The following PTPRM variants were observed in gnomAD, a reference collection of about 807,000 sequenced individuals.
PTPRM encodes the protein protein tyrosine phosphatase receptor type M, also known as receptor-type tyrosine-protein phosphatase mu.
PTPRM carries 47 observed loss-of-function variants against 186.7 expected under a neutral mutation model. That is an observed-to-expected ratio of 0.25 (90% CI 0.20 to 0.32). The LOEUF is 0.32. Ranked by LOEUF, PTPRM falls within the 10% of genes least tolerant of loss-of-function variation. PTPRM has a pLI of 1.00. For synonymous variants in PTPRM, 668 were observed against 674.9 expected (o/e 0.99, Z 0.16); for missense variants, 1,494 against 1,865.0 (o/e 0.80, Z 3.66).
At chr18:8,219,788 T>C (rs1257493977) in intron 14 of PTPRM, among the ~76,000 whole-genome samples, 1 of 152,178 alleles carries the variant, frequency 6.6e-6, no homozygotes, top group Non-Finnish European at 1.5e-5. Flanking sequence ...AAGATAAGCA[T>C]GCTATGTCAG....
chr18:7,870,250 AT>A (rs2146172156), intron 2 of PTPRM, among the ~76,000 whole-genome samples: 1 of 152,290 alleles, frequency 6.6e-6, no homozygotes, highest in Non-Finnish European at 1.5e-5. Context: ...TTTTCTGCAG[AT>A]TTGCTAAAGA....
intron 8 of PTPRM, among the ~76,000 whole-genome samples, chr18:8,072,332 A>C (rs576381043): frequency 7.2e-4 from 110 of 152,212 alleles, no homozygotes; most frequent in South Asian, 1.2e-3. Flanking sequence ...AACTGTCATG[A>C]GCTAGGAATT....
chr18:7,877,252 T>G (rs1219715686), intron 2 of PTPRM, among the ~76,000 whole-genome samples: 2 of 152,100 alleles, frequency 1.3e-5, no homozygotes, highest in African/African-American at 2.4e-5. Context: ...CACTAGGAGA[T>G]TTTTCACTCC....
intron 25 of PTPRM, 109 bp downstream of exon 25, chr18:8,376,309 A>G (rs1317992724): frequency 6.5e-7 from 1 of 1,536,956 alleles, no homozygotes; most frequent in East Asian, 2.3e-5. Context: ...TGATGATTGC[A>G]CAACATTTTG....
At chr18:8,183,492 C>T (rs193277170) in intron 14 of PTPRM, among the ~76,000 whole-genome samples, 12 of 152,186 alleles carry the variant, frequency 7.9e-5, no homozygotes, top group Admixed American at 4.6e-4. Flanking sequence ...ATTTTGCTTT[C>T]AGCAGAGGTT....
chr18:7,811,328 T>A (rs941609147), intron 2 of PTPRM, among the ~76,000 whole-genome samples: 1 of 152,150 alleles, frequency 6.6e-6, no homozygotes, highest in Admixed American at 6.5e-5. Flanking sequence ...GGGCTTTGCA[T>A]AGGCTTTGCA....
intron 9 of PTPRM, among the ~76,000 whole-genome samples, chr18:8,080,449 A>G (rs535018818): frequency 6.6e-6 from 1 of 152,300 alleles, no homozygotes; most frequent in Non-Finnish European, 1.5e-5. Flanking sequence ...TAACTACCCC[A>G]TCAGCAACCA....
chr18:8,272,945 C>T (rs1296999365), intron 19 of PTPRM, among the ~76,000 whole-genome samples: 1 of 152,102 alleles, frequency 6.6e-6, no homozygotes, highest in East Asian at 1.9e-4. Context: ...AACATTTTAT[C>T]ATTAAGCACT....
chr18:7,829,588 A>G (rs2045658411), intron 2 of PTPRM, among the ~76,000 whole-genome samples: 1 of 152,228 alleles, frequency 6.6e-6, no homozygotes, highest in Non-Finnish European at 1.5e-5. Context: ...GCTCTTAAAG[A>G]TATCTCAAGT....
chr18:8,109,350 G>T (rs953787432), intron 11 of PTPRM, among the ~76,000 whole-genome samples: 1 of 152,190 alleles, frequency 6.6e-6, no homozygotes. Flanking sequence ...AGAGCAAATA[G>T]ATTTGAGGTC....
Position 7,955,209 on chromosome 18 carries a change from G to A in PTPRM, c.927G>A (p.Gly309=). ...WIQLNANSIN[G]DGPIVAREVE... ...AGCTCAACGCCAACTCCATCAATGGGGATGGGCCCATTGTGGCCCGAGAGG... is the reference window on the plus strand; with the variant it reads ...AGCTCAACGCCAACTCCATCAATGGAGATGGGCCCATTGTGGCCCGAGAGG... Residue 309 remains glycine (G), a synonymous_variant, in exon 7 of 33, where the codon GGG becomes GGA. Coordinates refer to ENST00000580170, the MANE Select transcript of PTPRM (RefSeq NM_001105244.2). 1 of 1,614,154 alleles carries A rather than the reference G, an allele frequency of 6.2e-7. No individual in the cohort carries two copies. The highest frequency in any genetic ancestry group is 1.1e-5 in the South Asian group (1 of 91,066).
At chr18:7,804,162 G>A (rs139958682) in intron 2 of PTPRM, among the ~76,000 whole-genome samples, 146 of 152,222 alleles carry the variant, frequency 9.6e-4, no homozygotes, top group African/African-American at 3.3e-3. Flanking sequence ...CTTCATCATC[G>A]GTTGGGGTGG....
intron 2 of PTPRM, among the ~76,000 whole-genome samples, chr18:7,832,822 C>T (rs549311880): frequency 4.6e-5 from 7 of 152,310 alleles, no homozygotes; most frequent in Admixed American, 2.6e-4. Context: ...GGTCTAGTTA[C>T]ATTCTTCTAC....
chr18:7,972,382 A>G, intron 7 of PTPRM, among the ~76,000 whole-genome samples: 1 of 130,088 alleles, frequency 7.7e-6, no homozygotes, highest in Non-Finnish European at 1.5e-5. Flanking sequence ...TAGTGGGTGC[A>G]GCGCACCAGC....
intron 14 of PTPRM, among the ~76,000 whole-genome samples, chr18:8,181,136 G>T (rs2093567486): frequency 6.6e-6 from 1 of 152,194 alleles, no homozygotes; most frequent in Non-Finnish European, 1.5e-5. Flanking sequence ...AGACATTGCA[G>T]ATATAGCCAT....
At chr18:7,921,449 T>C (rs2146735706) in intron 4 of PTPRM, among the ~76,000 whole-genome samples, 1 of 151,536 alleles carries the variant, frequency 6.6e-6, no homozygotes, top group East Asian at 2.0e-4. Flanking sequence ...GGCGCAACCT[T>C]GGCTCACTGC....
At chr18:8,402,440 G>A (rs139221907) in intron 32 of PTPRM, among the ~76,000 whole-genome samples, 210 of 152,264 alleles carry the variant, frequency 1.4e-3, no homozygotes, top group African/African-American at 4.8e-3. Context: ...CTGAGTTTCC[G>A]GCCTGTGTTG....
At chr18:7,675,737 C>CTT (rs2039319051) in intron 1 of PTPRM, among the ~76,000 whole-genome samples, 1 of 131,170 alleles carries the variant, frequency 7.6e-6, no homozygotes. Flanking sequence ...TTTCATTCAG[C>CTT]ATTTTTTTTT....
chr18:7,849,154 A>G lies in PTPRM; in HGVS notation c.197-38952A>G, dbSNP rs137977955. Among the ~76,000 whole-genome samples the G allele has an allele frequency of 7.4e-4, 112 of 152,278 alleles. 1 individual carries two copies. Among genetic ancestry groups the G allele is most frequent in the African/African-American group, 2.5e-3 (103 of 41,564 alleles). Reference sequence around the variant, plus strand: ...ATTTTGGCTTTCCCCTCACCTATCAAATGGATTTTCATGCAGCGGCCAAAC... The same window carrying G: ...ATTTTGGCTTTCCCCTCACCTATCAGATGGATTTTCATGCAGCGGCCAAAC... On this transcript the variant is annotated intron_variant, in intron 2 of 32. Transcript: ENST00000580170.
Sources: gnomAD v4.1 joint callset for allele counts (sites outside exome capture counted in the v4.1 genomes callset) on GRCh38, gnomAD v4.1.1 for gene constraint, MANE v1.5 for transcripts, NCBI Gene and HGNC (gene_info 2026-07-23, HGNC 2026-07-21) for gene names.